The following NCOA1 variants were observed in gnomAD, a reference collection of about 807,000 sequenced individuals.
NCOA1 encodes the protein nuclear receptor coactivator 1, also known as Hin-2 protein.
A neutral mutation model predicts 150.9 loss-of-function variants in NCOA1; 35 were observed. The observed-to-expected ratio is 0.23, with a 90% CI of 0.18 to 0.31. The LOEUF is 0.31. NCOA1 is among the 10% of genes least tolerant of loss of function. The probability of loss-of-function intolerance (pLI) is 1.00; values close to 1 mark genes in which losing one functional copy is unlikely to be tolerated. For missense variants in NCOA1, 1,491 were observed against 1,749.3 expected, an observed-to-expected ratio of 0.85 and a Z score of 2.63; for synonymous variants, 590 against 630.0, an observed-to-expected ratio of 0.94 and a Z score of 0.95.
chr2:24,616,941 G>A (rs1668896131), intron 3 of NCOA1, among the ~76,000 whole-genome samples: 1 of 152,104 alleles, frequency 6.6e-6, no homozygotes, highest in Non-Finnish European at 1.5e-5. Flanking sequence ...ATAAAATGAG[G>A]TCGAAATTGT....
intron 11 of NCOA1, among the ~76,000 whole-genome samples, chr2:24,698,831 A>G (rs55745555): frequency 6.6e-6 from 1 of 152,166 alleles, no homozygotes; most frequent in African/African-American, 2.4e-5. Context: ...ATTACATTTT[A>G]GGTCAACTGC....
chr2:24,530,063 TCCAAAGAGTTGCAA>T (rs1664815742), intron 1 of NCOA1, among the ~76,000 whole-genome samples: 1 of 152,222 alleles, frequency 6.6e-6, no homozygotes, highest in Non-Finnish European at 1.5e-5. Context: ...GCAAAGTGCA[TCCAAAGAGTTGCAA>T]CCAAAGATTT....
chr2:24,647,098 G>A (rs927545094), intron 4 of NCOA1, among the ~76,000 whole-genome samples: 2 of 152,074 alleles, frequency 1.3e-5, no homozygotes, highest in East Asian at 1.9e-4. Flanking sequence ...TTGTTTATAT[G>A]TTTGAGTACC....
Position 24,705,205 on chromosome 2 carries a change from T to G in NCOA1, c.1069T>G (p.Phe357Val). The change falls in exon 12 of 23, where the codon TTC (phenylalanine) becomes GTC (valine). Residue 357 changes from phenylalanine to valine, a missense_variant. Coordinates refer to ENST00000348332, the MANE Select transcript of NCOA1 (RefSeq NM_003743.5). ...CYPQSPDMQP[F>V]IMGIHIIDRE... ...CCCTCAAAGTCCAGACATGCAACCT[T>G]TCATCATGGGAATTCATATCATCGA... 6.2e-7 allele frequency: 1 copy of G among 1,613,958 alleles called. No individual in the cohort carries two copies. The highest frequency in any genetic ancestry group is 8.5e-7 in the Non-Finnish European group (1 of 1,179,858).
chr2:24,559,919 C>T (rs1412350791), intron 1 of NCOA1, among the ~76,000 whole-genome samples: 1 of 152,116 alleles, frequency 6.6e-6, no homozygotes, highest in African/African-American at 2.4e-5. Flanking sequence ...GGATTTTTGC[C>T]AGGACCTTTG....
At chr2:24,597,969 C>T (rs1173431077) in intron 3 of NCOA1, among the ~76,000 whole-genome samples, 2 of 152,094 alleles carry the variant, frequency 1.3e-5, no homozygotes, top group Non-Finnish European at 1.5e-5. Context: ...TGATGTTCCC[C>T]TTCCTGTGTC....
chr2:24,630,488 A>T (rs1669658578), intron 3 of NCOA1, among the ~76,000 whole-genome samples: 1 of 152,190 alleles, frequency 6.6e-6, no homozygotes, highest in African/African-American at 2.4e-5. Context: ...TTCTTCATAT[A>T]TCTTGTTGCA....
intron 4 of NCOA1, among the ~76,000 whole-genome samples, chr2:24,654,791 T>A (rs1407480899): frequency 2.0e-5 from 3 of 151,088 alleles, no homozygotes; most frequent in Non-Finnish European, 4.4e-5. Context: ...ACCTCTTTCA[T>A]GTTTCTCAAA....
intron 3 of NCOA1, among the ~76,000 whole-genome samples, chr2:24,613,643 G>A (rs1168916872): frequency 2.0e-5 from 3 of 152,290 alleles, no homozygotes; most frequent in African/African-American, 7.2e-5. Context: ...AGAGGGCCCT[G>A]CTGTACCACA....
intron 1 of NCOA1, among the ~76,000 whole-genome samples, chr2:24,551,650 C>T (rs1665836111): frequency 6.6e-6 from 1 of 152,174 alleles, no homozygotes; most frequent in Non-Finnish European, 1.5e-5. Flanking sequence ...TTTCATGCTA[C>T]AATGGCAGAG....
intron 7 of NCOA1, among the ~76,000 whole-genome samples, chr2:24,675,801 C>T (rs1220318801): frequency 1.3e-5 from 2 of 152,288 alleles, no homozygotes; most frequent in South Asian, 2.1e-4. Context: ...AGGAGAATCA[C>T]GTGAACCTGT....
At chr2:24,536,725 GTTGGAGTTTGCTGGAGGTCCAC>G (rs1271869393) in intron 1 of NCOA1, among the ~76,000 whole-genome samples, 1 of 152,176 alleles carries the variant, frequency 6.6e-6, no homozygotes, top group Non-Finnish European at 1.5e-5. Flanking sequence ...CTGCAGGTCT[GTTGGAGTTTGCTGGAGGTCCAC>G]TCCAGACCCT....
intron 1 of NCOA1, among the ~76,000 whole-genome samples, chr2:24,525,441 G>A (rs1484542747): frequency 1.3e-5 from 2 of 152,118 alleles, no homozygotes; most frequent in African/African-American, 2.4e-5. Context: ...AAGCAGAATC[G>A]GAGATTTGTA....
At chr2:24,624,339 A>C (rs899813092) in intron 3 of NCOA1, among the ~76,000 whole-genome samples, 24 of 152,338 alleles carry the variant, frequency 1.6e-4, no homozygotes, top group African/African-American at 5.3e-4. Context: ...ATGGGAAAGA[A>C]GGGGCTATTA....
At chr2:24,740,912 G>T (rs1461191076) in intron 18 of NCOA1, among the ~76,000 whole-genome samples, 1 of 152,092 alleles carries the variant, frequency 6.6e-6, no homozygotes, top group Non-Finnish European at 1.5e-5. Flanking sequence ...TTATTGATAT[G>T]CCATGTTACA....
intron 7 of NCOA1, among the ~76,000 whole-genome samples, chr2:24,681,477 T>A (rs531614013): frequency 6.8e-6 from 1 of 147,000 alleles, no homozygotes; most frequent in African/African-American, 2.7e-5. Context: ...CAGTATCACG[T>A]CATTTTCAGT....
At chr2:24,615,955 A>T (rs1375043990) in intron 3 of NCOA1, among the ~76,000 whole-genome samples, 2 of 152,234 alleles carry the variant, frequency 1.3e-5, no homozygotes, top group African/African-American at 4.8e-5. Context: ...GGAAACTTTT[A>T]TAAGGACAGT....
chr2:24,543,785 A>C (rs1665495303), intron 1 of NCOA1, among the ~76,000 whole-genome samples: 1 of 152,184 alleles, frequency 6.6e-6, no homozygotes, highest in South Asian at 2.1e-4. Context: ...TAGGTATTAT[A>C]TCACACAGCC....
chr2:24,697,910 C>A, intron 11 of NCOA1, 112 bp downstream of exon 11: 1 of 1,201,568 alleles, frequency 8.3e-7, no homozygotes, highest in Non-Finnish European at 1.1e-6. Flanking sequence ...ATAGTTTTTG[C>A]AATAATCAGT....
Sources: allele counts gnomAD v4.1 joint callset (sites outside exome capture counted in the v4.1 genomes callset), GRCh38; gene constraint gnomAD v4.1.1; transcripts MANE v1.5; gene names NCBI Gene and HGNC (gene_info 2026-07-23, HGNC 2026-07-21).